The following DRC1 variants were observed in gnomAD, a reference collection of about 807,000 sequenced individuals.
DRC1 encodes the protein dynein regulatory complex subunit 1.
Under a neutral mutation model 98.7 loss-of-function variants are expected in DRC1, and 74 were observed. That is an observed-to-expected ratio of 0.75 (90% confidence interval 0.62 to 0.91). The LOEUF (loss-of-function observed/expected upper bound fraction) is 0.91, where lower values mean the gene tolerates loss of function less well. Ranked by LOEUF, DRC1 falls within the 40% of genes least tolerant of loss-of-function variation. The pLI is 0.00. For synonymous variants in DRC1, 336 were observed against 334.1 expected (o/e 1.01, Z -0.06); for missense variants, 875 against 886.0 (o/e 0.99, Z 0.16).
Position 26,454,526 on chromosome 2 carries a change from A to C in DRC1, c.1920-121A>C, listed in dbSNP as rs1664088850. ...TTCTGAGAACCTGCCACCGTCTAAT[A>C]AACTTGGACTGCTGAGTGGGAAGGT... On this transcript the variant is annotated intron_variant, in intron 14 of 16. Transcript: ENST00000288710. This position sits in a 1 kb window ranked among gnomAD's most constrained non-coding sequence, Gnocchi z 5.2. 7.1e-6 allele frequency: 10 copies of C among 1,418,140 alleles called. No homozygotes were observed. The highest frequency in any genetic ancestry group is 2.3e-5 in the East Asian group (1 of 43,436). The allele number at this position is 1,418,140 out of a possible 1,614,324, so 87.8% of individuals were successfully genotyped here.
At chr2:26,421,756 C>T (rs1663149400) in intron 3 of DRC1, among the ~76,000 whole-genome samples, 1 of 152,060 alleles carries the variant, frequency 6.6e-6, no homozygotes, top group African/African-American at 2.4e-5. Flanking sequence ...GACGGGGTTT[C>T]ACCATGTTGG....
Position 26,430,901 on chromosome 2 carries a change from C to T in DRC1, c.765+29C>T, listed in dbSNP as rs1418822755. The T allele has an allele frequency of 2.5e-6, 4 of 1,596,494 alleles. No individual in the cohort carries two copies. The Admixed American group carries it at 6.9e-5, about 28-fold the overall frequency. ...AAGGGTGGAGCCTGTCAAGAGTGAT[C>T]CGTGGGGTCTGGGTGATTTTTATTG... On this transcript the variant is annotated intron_variant, in intron 6 of 16. Transcript: ENST00000288710.
intron 7 of DRC1, among the ~76,000 whole-genome samples, chr2:26,436,940 C>T (rs747297339): frequency 6.6e-6 from 1 of 152,144 alleles, no homozygotes; most frequent in Non-Finnish European, 1.5e-5. Context: ...GAAGACCCTC[C>T]TTCTCTGTGA....
chr2:26,440,624 C>A, intron 8 of DRC1, 107 bp downstream of exon 8: 1 of 1,312,738 alleles, frequency 7.6e-7, no homozygotes, highest in Non-Finnish European at 9.9e-7. Flanking sequence ...AAAATATAAC[C>A]AACACTTATT....
intron 2 of DRC1, among the ~76,000 whole-genome samples, chr2:26,418,554 TA>T (rs1678893818): frequency 9.0e-6 from 1 of 111,224 alleles, no homozygotes; most frequent in African/African-American, 3.9e-5. Flanking sequence ...AAATTATATA[TA>T]ATTTATATAT....
At chr2:26,408,300 C>A (rs62128677) in intron 1 of DRC1, among the ~76,000 whole-genome samples, 3 of 151,870 alleles carry the variant, frequency 2.0e-5, no homozygotes, top group Non-Finnish European at 4.4e-5. Context: ...AGAGGCGAGG[C>A]AAGGATACTT....
Position 26,444,852 on chromosome 2 carries a change from G to A in DRC1, c.1300G>A (p.Ala434Thr), listed in dbSNP as rs1156445457. The A allele has an allele frequency of 1.2e-6, 2 of 1,614,234 alleles. No individual in the cohort carries two copies. The highest frequency in any genetic ancestry group is 1.6e-4 in the Middle Eastern group (1 of 6,062). ...HTHHLGLPWAAPDFWFLNNVG... is the reference protein window; with the variant it reads ...HTHHLGLPWATPDFWFLNNVG... ...CCATCATCTGGGGCTTCCCTGGGCA[G>A]CACCTGATTTCTGGTTCCTGAACAA... Residue 434 changes from alanine (A) to threonine (T), a missense_variant, in exon 10 of 17, where the codon GCA becomes ACA. Coordinates refer to ENST00000288710, the MANE Select transcript of DRC1 (RefSeq NM_145038.5).
chr2:26,445,004 GGGTCAAGCC>G (rs1663817802), intron 10 of DRC1, 56 bp downstream of exon 10: 1 of 1,564,206 alleles, frequency 6.4e-7, no homozygotes, highest in Non-Finnish European at 8.7e-7. Context: ...TGAGAACATC[GGGTCAAGCC>G]AGTCACGTTA....
intron 1 of DRC1, among the ~76,000 whole-genome samples, chr2:26,409,886 T>C (rs974521737): frequency 1.3e-5 from 2 of 152,040 alleles, no homozygotes; most frequent in Non-Finnish European, 2.9e-5. Context: ...TTAACATGAA[T>C]GGTAGATATG....
chr2:26,416,957 A>G (rs1032779578), intron 2 of DRC1, among the ~76,000 whole-genome samples: 3 of 152,188 alleles, frequency 2.0e-5, no homozygotes, highest in Admixed American at 6.5e-5. Context: ...GGAAGCAGGC[A>G]TCTCACATGG....
At chr2:26,445,844 G>A (rs1663836618) in intron 10 of DRC1, among the ~76,000 whole-genome samples, 1 of 151,952 alleles carries the variant, frequency 6.6e-6, no homozygotes, top group African/African-American at 2.4e-5. Context: ...ATTTTTAGTA[G>A]AGACAGGGTT....
chr2:26,407,938 T>C (rs2147976252), intron 1 of DRC1, among the ~76,000 whole-genome samples: 1 of 152,358 alleles, frequency 6.6e-6, no homozygotes, highest in Non-Finnish European at 1.5e-5. Context: ...TCTCCGTAAA[T>C]ATTCACAACC....
intron 1 of DRC1, among the ~76,000 whole-genome samples, chr2:26,408,735 C>T (rs1678502073): frequency 6.6e-6 from 1 of 152,044 alleles, no homozygotes; most frequent in Non-Finnish European, 1.5e-5. Flanking sequence ...CGTGCCACTA[C>T]ACTCCAGCCT....
Position 26,450,542 on chromosome 2 carries a change from C to G in DRC1, c.1600-50C>G, listed in dbSNP as rs57757727. 710 of 1,554,244 alleles carry G rather than the reference C, an allele frequency of 4.6e-4. 2 individuals carry two copies. The African/African-American group carries it at 6.2e-3, about 13-fold the overall frequency. The stretch of plus-strand genomic sequence containing the variant: ...TGAGCATCTGTCAGCTGCCCAAGCC[C>G]GTGGCCTCTTGATGGGGTGTTTGAG... On this transcript the variant is annotated intron_variant, in intron 12 of 16. Transcript: ENST00000288710.
intron 1 of DRC1, among the ~76,000 whole-genome samples, chr2:26,407,078 G>A (rs11894362): frequency 0.025 from 3,859 of 151,922 alleles, 131 homozygotes; most frequent in African/African-American, 0.08. Flanking sequence ...CCTTAGCCTC[G>A]AAAAGTGCTG....
At chr2:26,402,784 G>A (rs1009991295) in intron 1 of DRC1, among the ~76,000 whole-genome samples, 15 of 152,292 alleles carry the variant, frequency 9.8e-5, no homozygotes, top group African/African-American at 3.6e-4. Context: ...AGGGTTGATT[G>A]CCCACCGTCT....
intron 12 of DRC1, 37 bp from the exon 13 acceptor site, chr2:26,450,555 T>C (rs1167918545): frequency 6.3e-7 from 1 of 1,595,470 alleles, no homozygotes; most frequent in African/African-American, 1.3e-5. Context: ...GGCCTCTTGA[T>C]GGGGTGTTTG....
At chr2:26,435,086 C>T (rs1164622258) in intron 7 of DRC1, among the ~76,000 whole-genome samples, 2 of 151,950 alleles carry the variant, frequency 1.3e-5, no homozygotes, top group Non-Finnish European at 2.9e-5. Context: ...GCAGAGAAGG[C>T]CAGAGGGAAA....
intron 1 of DRC1, among the ~76,000 whole-genome samples, chr2:26,411,745 C>T (rs931983852): frequency 2.6e-5 from 4 of 151,516 alleles, no homozygotes; most frequent in Non-Finnish European, 4.4e-5. Context: ...TGCAGTGAGC[C>T]GAGATGGCTC....
Sources: allele counts gnomAD v4.1 joint callset (sites outside exome capture counted in the v4.1 genomes callset), GRCh38; gene constraint gnomAD v4.1.1; non-coding constraint Gnocchi (gnomAD v3.1); transcripts MANE v1.5; gene names NCBI Gene and HGNC (gene_info 2026-07-23, HGNC 2026-07-21).